The following INSC variants were observed in gnomAD, a reference collection of about 807,000 sequenced individuals.
INSC encodes the protein INSC spindle orientation adaptor protein.
A neutral mutation model predicts 58.6 loss-of-function variants in INSC; 67 were observed. The observed-to-expected ratio is 1.14, with a 90% CI of 0.94 to 1.40. INSC has a LOEUF of 1.40. INSC is among the 40% of genes most tolerant of loss of function. The pLI is 0.00. For missense variants in INSC, 714 were observed against 692.0 expected (o/e 1.03, Z -0.36); for synonymous variants, 262 against 276.1 (o/e 0.95, Z 0.51).
intron 2 of INSC, among the ~76,000 whole-genome samples, chr11:15,172,767 T>C (rs565611382): frequency 2.0e-5 from 3 of 152,040 alleles, no homozygotes; most frequent in African/African-American, 7.2e-5. Flanking sequence ...ATCTGAGGTG[T>C]AGAGTGTGTT....
At chr11:15,147,750 C>A (rs1341747820) in intron 1 of INSC, among the ~76,000 whole-genome samples, 1 of 152,238 alleles carries the variant, frequency 6.6e-6, no homozygotes, top group Non-Finnish European at 1.5e-5. Context: ...CTGGAATTAT[C>A]TAGCACCCTA....
intron 2 of INSC, among the ~76,000 whole-genome samples, chr11:15,170,983 T>C (rs562405967): frequency 3.4e-4 from 52 of 152,346 alleles, no homozygotes; most frequent in South Asian, 2.9e-3. Context: ...TAATTACAGC[T>C]TCTGAAATCT....
chr11:15,177,096 C>G lies in INSC; in HGVS notation c.403-15C>G. Reference sequence around the variant, plus strand: ...TGCTTACTGAGTTGAATAAAATGGACTTATTTTTCTACAGATTGAGAAGCT... The same window carrying G: ...TGCTTACTGAGTTGAATAAAATGGAGTTATTTTTCTACAGATTGAGAAGCT... On this transcript the variant is annotated splice_polypyrimidine_tract_variant and intron_variant, in intron 3 of 12. Transcript: ENST00000379556. 1 of 1,612,120 alleles carries G rather than the reference C, an allele frequency of 6.2e-7. No individual in the cohort carries two copies. The highest frequency in any genetic ancestry group is 8.5e-7 in the Non-Finnish European group (1 of 1,178,260).
At chr11:15,225,179 A>G (rs963191430) in intron 8 of INSC, among the ~76,000 whole-genome samples, 15 of 152,318 alleles carry the variant, frequency 9.8e-5, no homozygotes, top group African/African-American at 3.6e-4. Flanking sequence ...GTAAAGTCAC[A>G]TTCTTAGGGA....
chr11:15,114,211 T>C (rs2133666087), upstream of INSC, among the ~76,000 whole-genome samples: 1 of 129,700 alleles, frequency 7.7e-6, no homozygotes, highest in Admixed American at 9.2e-5. Context: ...AGGAATCAAG[T>C]TCCTCTAGAT....
At chr11:15,119,798 T>G (rs533202490) in intron 1 of INSC, among the ~76,000 whole-genome samples, 4 of 152,238 alleles carry the variant, frequency 2.6e-5, no homozygotes, top group Admixed American at 1.3e-4. Flanking sequence ...CGGAAAAGAG[T>G]GCACGGGCTT....
intron 5 of INSC, among the ~76,000 whole-genome samples, chr11:15,179,846 G>A (rs867618641): frequency 1.3e-5 from 2 of 152,246 alleles, no homozygotes; most frequent in South Asian, 4.1e-4. Context: ...AGAAATATTG[G>A]AGTTAGTGGT....
intron 2 of INSC, among the ~76,000 whole-genome samples, chr11:15,149,540 C>G (rs1389443442): frequency 1.3e-5 from 2 of 152,094 alleles, no homozygotes; most frequent in Non-Finnish European, 2.9e-5. Flanking sequence ...AAGGTGACAA[C>G]CTAGAAGGTG....
At chr11:15,193,547 G>C (rs1850259397) in intron 6 of INSC, among the ~76,000 whole-genome samples, 1 of 152,142 alleles carries the variant, frequency 6.6e-6, no homozygotes, top group Admixed American at 6.6e-5. Flanking sequence ...TGCGGTGTTG[G>C]TTTTCTGTCC....
intron 2 of INSC, among the ~76,000 whole-genome samples, chr11:15,154,080 A>T (rs1848734324): frequency 6.6e-6 from 1 of 152,250 alleles, no homozygotes; most frequent in African/African-American, 2.4e-5. Flanking sequence ...GGGGTAGGCC[A>T]ATAACAATTT....
At chr11:15,128,546 G>A (rs1274300326) in intron 1 of INSC, among the ~76,000 whole-genome samples, 1 of 152,224 alleles carries the variant, frequency 6.6e-6, no homozygotes, top group East Asian at 1.9e-4. Context: ...CTGGGGCTAG[G>A]CTGAAGGTTT....
At chr11:15,218,835 CT>C (rs745553505) in intron 7 of INSC, among the ~76,000 whole-genome samples, 8 of 152,188 alleles carry the variant, frequency 5.3e-5, no homozygotes, top group Non-Finnish European at 7.3e-5. Context: ...CTATAATTGC[CT>C]TTGCTCACAA....
At chr11:15,114,699 A>T (rs1410787028), upstream of INSC, among the ~76,000 whole-genome samples, 1 of 152,080 alleles carries the variant, frequency 6.6e-6, no homozygotes, top group Non-Finnish European at 1.5e-5. Flanking sequence ...GATGGGAGGG[A>T]GGGCCATGTT....
At chr11:15,168,184 C>A (rs1347917408) in intron 2 of INSC, among the ~76,000 whole-genome samples, 1 of 152,082 alleles carries the variant, frequency 6.6e-6, no homozygotes, top group Non-Finnish European at 1.5e-5. Context: ...TAAACGTGTG[C>A]CATGGTGGTT....
upstream of INSC, among the ~76,000 whole-genome samples, chr11:15,114,701 G>A (rs1185982326): frequency 2.6e-5 from 4 of 152,206 alleles, no homozygotes; most frequent in Admixed American, 6.5e-5. Flanking sequence ...TGGGAGGGAG[G>A]GCCATGTTTC....
Position 15,114,984 on chromosome 11 carries a change from C to A in INSC, c.-65C>A. 1.0e-6 allele frequency: 1 copy of A among 985,496 alleles called. No homozygotes were observed. Among genetic ancestry groups the A allele is most frequent in the Non-Finnish European group, 1.2e-6 (1 of 829,956 alleles). 61.0% of individuals were successfully genotyped at this position (985,496 alleles called of 1,614,324 possible). A position where few individuals can be genotyped will look rare whatever the true frequency, so the allele number is the denominator to read the frequency against. Reference sequence around the variant, plus strand: ...CGCCACCACTGGCCGCTCGCACTACCAGCCTGTCTCGCACGCTAAGTAAGT... The same window carrying A: ...CGCCACCACTGGCCGCTCGCACTACAAGCCTGTCTCGCACGCTAAGTAAGT... On this transcript the variant is annotated 5_prime_UTR_variant, in exon 1 of 13. Transcript: ENST00000379556.
intron 9 of INSC, chr11:15,235,237 A>C: frequency 3.1e-6 from 1 of 319,896 alleles, no homozygotes; most frequent in South Asian, 3.4e-5. Flanking sequence ...GCCAGCACAG[A>C]GGAGTTTCAG....
chr11:15,217,391 A>T (rs572655177), intron 7 of INSC, among the ~76,000 whole-genome samples: 20 of 152,352 alleles, frequency 1.3e-4, no homozygotes, highest in African/African-American at 4.8e-4. Context: ...GTGGGGACAC[A>T]GCCAAACCAT....
chr11:15,119,251 G>A (rs1255249562), intron 1 of INSC, among the ~76,000 whole-genome samples: 2 of 152,222 alleles, frequency 1.3e-5, no homozygotes, highest in Non-Finnish European at 2.9e-5. Context: ...TGAAGGGGTG[G>A]GAAAGGCCTC....
Sources: allele counts gnomAD v4.1 joint callset (sites outside exome capture counted in the v4.1 genomes callset), GRCh38; gene constraint gnomAD v4.1.1; transcripts MANE v1.5; gene names NCBI Gene and HGNC (gene_info 2026-07-23, HGNC 2026-07-21).